Variants in CADPS2 observed in about 807,000 individuals in gnomAD.
The protein encoded by CADPS2 is calcium dependent secretion activator 2, also known as calcium-dependent secretion activator 2.
A neutral mutation model predicts 172.5 loss-of-function variants in CADPS2; 93 were observed. The ratio of observed to expected loss-of-function variants is 0.54; its 90% CI spans 0.46 to 0.64. The LOEUF (loss-of-function observed/expected upper bound fraction) is 0.64. Among genes scored for constraint, CADPS2 ranks in the 30% least tolerant of loss-of-function variants. The pLI, the probability that CADPS2 is intolerant of heterozygous loss-of-function variation, is 0.00. For synonymous variants in CADPS2, 546 were observed against 555.2 expected (o/e 0.98, Z 0.23); for missense variants, 1,420 against 1,565.9 (o/e 0.91, Z 1.57).
Position 122,320,266 on chromosome 7 carries a change from G to A in CADPS2, c.3790C>T (p.His1264Tyr), listed in dbSNP as rs766439346. 45 of 1,613,274 alleles carry A rather than the reference G, an allele frequency of 2.8e-5. No individual in the cohort carries two copies. In the East Asian group the frequency reaches 9.8e-4, roughly 35 times the overall value. The part of the protein sequence containing the change: ...TLNSKTYDTV[H>Y]RRLTVEEATA... ...GCCTCCTCTACTGTTAAACGTCTGT[G>A]CACAGTATCATAAGTCTTACTGTTC... Residue 1264 changes from histidine to tyrosine, a missense_variant, in exon 30 of 30, where the codon CAC becomes TAC. Coordinates refer to ENST00000449022, the MANE Select transcript of CADPS2 (RefSeq NM_017954.11).
rs536502758 is a variant in CADPS2 at position 122,835,137 on chromosome 7, G to A, written c.339+50862C>T. ...CATTTGCTGTTCAGCAATATTCGAT[G>A]TTCTGCAGCCTCTGCTGCTGATACC... On this transcript the variant is annotated intron_variant, in intron 1 of 29. Transcript: ENST00000449022. Among the ~76,000 whole-genome samples the A allele has an allele frequency of 7.9e-5, 12 of 152,332 alleles. No individual in the cohort carries two copies. The South Asian group carries it at 2.1e-3, about 26-fold the overall frequency.
intron 2 of CADPS2, among the ~76,000 whole-genome samples, chr7:122,711,401 A>G (rs1208916078): frequency 1.3e-5 from 2 of 152,150 alleles, no homozygotes; most frequent in Non-Finnish European, 2.9e-5. Flanking sequence ...CATGAGCCCC[A>G]AAGAGTCATT....
At chr7:122,570,712 G>T (rs545920200) in intron 7 of CADPS2, among the ~76,000 whole-genome samples, 76 of 152,018 alleles carry the variant, frequency 5.0e-4, no homozygotes, top group African/African-American at 1.7e-3. Flanking sequence ...CATAAAAAAT[G>T]ATGAGTTCAT....
At chr7:122,455,400 ATATT>A (rs947779781) in intron 14 of CADPS2, among the ~76,000 whole-genome samples, 9 of 150,672 alleles carry the variant, frequency 6.0e-5, no homozygotes, top group African/African-American at 2.0e-4. Context: ...TTTAATAATA[ATATT>A]TATTAAATAA....
intron 17 of CADPS2, among the ~76,000 whole-genome samples, chr7:122,422,771 A>G (rs1446391030): frequency 1.3e-5 from 2 of 150,074 alleles, no homozygotes; most frequent in African/African-American, 4.9e-5. Context: ...CCTGGCCAAC[A>G]TGGTGAAACC....
chr7:122,483,095 C>T (rs186893157), intron 11 of CADPS2, among the ~76,000 whole-genome samples: 117 of 152,214 alleles, frequency 7.7e-4, no homozygotes, highest in African/African-American at 2.7e-3. Context: ...CTTGGTCTTC[C>T]CTAACAAAAC....
chr7:122,657,871 C>T (rs928939714), intron 3 of CADPS2, among the ~76,000 whole-genome samples: 49 of 152,150 alleles, frequency 3.2e-4, no homozygotes, highest in Non-Finnish European at 7.1e-4. Flanking sequence ...TGAGAGAGGG[C>T]ATCCCTGTCT....
intron 25 of CADPS2, among the ~76,000 whole-genome samples, chr7:122,366,451 A>G (rs1031741088): frequency 1.3e-5 from 2 of 150,446 alleles, no homozygotes; most frequent in African/African-American, 4.9e-5. Flanking sequence ...AAAAAAAAAA[A>G]AAAATTACCC....
At chr7:122,742,554 G>A (rs1363134815) in intron 1 of CADPS2, among the ~76,000 whole-genome samples, 2 of 152,146 alleles carry the variant, frequency 1.3e-5, no homozygotes, top group African/African-American at 4.8e-5. Context: ...GGATAGTGTG[G>A]CCAACAGAGA....
At chr7:122,394,876 A>G (rs570639825) in intron 20 of CADPS2, among the ~76,000 whole-genome samples, 1 of 152,150 alleles carries the variant, frequency 6.6e-6, no homozygotes, top group South Asian at 2.1e-4. Context: ...AAAACAGAGA[A>G]AAAGGTTAAT....
chr7:122,414,885 T>C (rs992517258), intron 18 of CADPS2, among the ~76,000 whole-genome samples: 1 of 152,226 alleles, frequency 6.6e-6, no homozygotes, highest in Non-Finnish European at 1.5e-5. Context: ...TATTTGGTCA[T>C]TTTTATTCTT....
chr7:122,689,136 T>C (rs2084002469), intron 2 of CADPS2, among the ~76,000 whole-genome samples: 2 of 152,082 alleles, frequency 1.3e-5, no homozygotes, highest in Admixed American at 6.5e-5. Context: ...CTACTCATGA[T>C]TATTAGAGCC....
At chr7:122,485,289 G>A (rs1169242718) in intron 11 of CADPS2, among the ~76,000 whole-genome samples, 1 of 152,200 alleles carries the variant, frequency 6.6e-6, no homozygotes, top group Non-Finnish European at 1.5e-5. Flanking sequence ...TAGGCTGAAA[G>A]CGAGGCCTTT....
chr7:122,861,741 T>C (rs1483603507), intron 1 of CADPS2, among the ~76,000 whole-genome samples: 2 of 152,266 alleles, frequency 1.3e-5, no homozygotes, highest in Admixed American at 1.3e-4. Flanking sequence ...TCAGATTCGA[T>C]CATTACGCAC....
chr7:122,763,238 C>T (rs1293949274), intron 1 of CADPS2, among the ~76,000 whole-genome samples: 1 of 152,000 alleles, frequency 6.6e-6, no homozygotes, highest in South Asian at 2.1e-4. Flanking sequence ...TTTGGATGTG[C>T]ATAATATAAA....
At chr7:122,831,567 C>T (rs2501454) in intron 1 of CADPS2, among the ~76,000 whole-genome samples, 66,662 of 152,144 alleles carry the variant, frequency 0.44, 17,078 homozygotes, top group African/African-American at 0.72. Context: ...GAAAGAATTG[C>T]TGTTTCACAT....
intron 2 of CADPS2, among the ~76,000 whole-genome samples, chr7:122,725,445 T>C (rs1013427934): frequency 6.6e-6 from 1 of 151,884 alleles, no homozygotes; most frequent in Non-Finnish European, 1.5e-5. Context: ...TGTAGTTGTG[T>C]TATATCATGG....
At chr7:122,551,035 T>G (rs956911626) in intron 8 of CADPS2, among the ~76,000 whole-genome samples, 1 of 152,170 alleles carries the variant, frequency 6.6e-6, no homozygotes, top group Non-Finnish European at 1.5e-5. Context: ...TTACATGTAG[T>G]TAGTCCTACT....
intron 2 of CADPS2, among the ~76,000 whole-genome samples, chr7:122,665,735 G>A (rs926448102): frequency 5.3e-5 from 8 of 152,228 alleles, no homozygotes; most frequent in East Asian, 1.9e-4. Flanking sequence ...TTGTAAAGTT[G>A]AAAAATCATA....
Sources: gnomAD v4.1 joint callset for allele counts (sites outside exome capture counted in the v4.1 genomes callset) on GRCh38, gnomAD v4.1.1 for gene constraint, MANE v1.5 for transcripts, NCBI Gene and HGNC (gene_info 2026-07-23, HGNC 2026-07-21) for gene names.